BRINP3: variants seen among roughly 807,000 people sequenced by gnomAD.
BRINP3 encodes the protein BMP/retinoic acid-inducible neural-specific protein 3.
A neutral mutation model predicts 71.0 loss-of-function variants in BRINP3; 19 were observed. That is an observed-to-expected ratio of 0.27 (90% CI 0.19 to 0.39). The LOEUF (loss-of-function observed/expected upper bound fraction) is 0.39, where lower values mean the gene tolerates loss of function less well. Among genes scored for constraint, BRINP3 ranks in the 10% least tolerant of loss-of-function variants. BRINP3 has a pLI of 1.00. For synonymous variants in BRINP3, 380 were observed against 337.7 expected (o/e 1.13, Z -1.37); for missense variants, 959 against 940.8 (o/e 1.02, Z -0.25).
intron 7 of BRINP3, among the ~76,000 whole-genome samples, chr1:190,148,368 C>T (rs982702231): frequency 3.3e-5 from 5 of 151,590 alleles, no homozygotes; most frequent in South Asian, 2.1e-4. Flanking sequence ...GCCGAGGCGG[C>T]GGATCAAGAG....
chr1:190,377,932 G>T (rs776059245), intron 2 of BRINP3, among the ~76,000 whole-genome samples: 3 of 152,014 alleles, frequency 2.0e-5, no homozygotes, highest in African/African-American at 4.8e-5. Flanking sequence ...ATGTAGTCTT[G>T]TTAAGATAAC....
rs1258987865 is a variant in BRINP3, at chr1:190,329,932, A to G, written c.237-48182T>C. 3.3e-5 allele frequency among the ~76,000 whole-genome samples: 5 copies of G among 152,076 alleles called. No individual in the cohort carries two copies. In the East Asian group the frequency reaches 9.6e-4, roughly 29 times the overall value. On this transcript the variant is annotated intron_variant, in intron 2 of 7. Transcript: ENST00000367462. ...ATGGTGCTGGGACACCTGGCTAGCC[A>G]TCTGCAGAAGAATGAAACTGGACCC... is the stretch of plus-strand genomic sequence containing the variant.
chr1:190,385,656 T>G (rs1558239323), intron 2 of BRINP3, among the ~76,000 whole-genome samples: 1 of 151,868 alleles, frequency 6.6e-6, no homozygotes, highest in Non-Finnish European at 1.5e-5. Context: ...GTTCAACCAT[T>G]GTGGAAGTCA....
chr1:190,416,332 A>G (rs1328348384), intron 2 of BRINP3, among the ~76,000 whole-genome samples: 1 of 152,102 alleles, frequency 6.6e-6, no homozygotes, highest in Admixed American at 6.6e-5. Context: ...TGACTGACTA[A>G]TAAACATCCA....
rs150311023 is a variant in BRINP3, at chr1:190,263,266, A to T, written c.618+1599T>A. On this transcript the variant is annotated intron_variant, in intron 4 of 7. Transcript: ENST00000367462. ...ACAAAATTTTTAAATTAACTGAAAC[A>T]TCTGCATTCATGCTGGCTACATTTT... Among the ~76,000 whole-genome samples the T allele has an allele frequency of 6.6e-3, 998 of 152,314 alleles. 6 individuals carry two copies. Among genetic ancestry groups the T allele is most frequent in the African/African-American group, 0.021 (889 of 41,574 alleles).
chr1:190,384,794 CTATAT>C (rs1443640395), intron 2 of BRINP3, among the ~76,000 whole-genome samples: 2 of 151,804 alleles, frequency 1.3e-5, no homozygotes, highest in African/African-American at 4.8e-5. Flanking sequence ...TTCCAAACCA[CTATAT>C]TATAATTACT....
chr1:190,460,857 G>T (rs1001772755), intron 1 of BRINP3, among the ~76,000 whole-genome samples: 1 of 152,016 alleles, frequency 6.6e-6, no homozygotes, highest in Non-Finnish European at 1.5e-5. Context: ...CTGTCCTCAA[G>T]TTCTGTACAT....
chr1:190,126,979 C>T (rs963147775), intron 7 of BRINP3, among the ~76,000 whole-genome samples: 1 of 151,746 alleles, frequency 6.6e-6, no homozygotes, highest in Non-Finnish European at 1.5e-5. Flanking sequence ...GGTAATGTGA[C>T]TCTTACAAAA....
rs559614070 is a variant in BRINP3 at position 190,366,641 on chromosome 1, T to C, written c.237-84891A>G. On this transcript the variant is annotated intron_variant, in intron 2 of 7. Transcript: ENST00000367462. ...AAAGTCTCATCTGAGACAAGGCAAGTTCTTTCCACCTATGAGACTATAAAA... is the reference window on the plus strand; with the variant it reads ...AAAGTCTCATCTGAGACAAGGCAAGCTCTTTCCACCTATGAGACTATAAAA... 3.3e-5 allele frequency among the ~76,000 whole-genome samples: 5 copies of C among 152,294 alleles called. No homozygotes were observed. The East Asian group carries it at 9.7e-4, about 29-fold the overall frequency.
At position 190,118,871 on chromosome 1, in the gene BRINP3, G is replaced by C. The variant is rs188958726; in HGVS notation, c.1185-19737C>G. On this transcript the variant is annotated intron_variant, in intron 7 of 7. Coordinates refer to ENST00000367462, the MANE Select transcript of BRINP3 (RefSeq NM_199051.3). ...AAAACCTAAATTATTCATTCGTTTA[G>C]TAATTCATTCGAGGAACATTTATGG... Among the ~76,000 whole-genome samples, 219 of 152,256 alleles carry C rather than the reference G, an allele frequency of 1.4e-3. 1 individual carries two copies. Among genetic ancestry groups the C allele is most frequent in the African/African-American group, 5.2e-3 (217 of 41,546 alleles).
rs555534444 is a variant in BRINP3 at position 190,145,610 on chromosome 1, T to C, written c.1184+15058A>G. On this transcript the variant is annotated intron_variant, in intron 7 of 7. Coordinates refer to ENST00000367462, the MANE Select transcript of BRINP3 (RefSeq NM_199051.3). ...TTAGTACAACCACTGTGGAAACCAG[T>C]ATGGAGATTCCTTAAAGAACAAAAA... is the stretch of plus-strand genomic sequence containing the variant. Among the ~76,000 whole-genome samples, 7 of 152,288 alleles carry C rather than the reference T, an allele frequency of 4.6e-5. No homozygotes were observed. In the East Asian group the frequency reaches 1.4e-3, roughly 29 times the overall value.
chr1:190,455,345 T>A (rs1395871620), intron 1 of BRINP3, among the ~76,000 whole-genome samples: 4 of 152,196 alleles, frequency 2.6e-5, no homozygotes, highest in African/African-American at 9.6e-5. Flanking sequence ...TGTATATTTA[T>A]CTTAAATAAA....
chr1:190,153,731 C>T (rs1030599458), intron 7 of BRINP3, among the ~76,000 whole-genome samples: 1 of 152,108 alleles, frequency 6.6e-6, no homozygotes, highest in Non-Finnish European at 1.5e-5. Context: ...CATGGTGGCT[C>T]ATGCCTGTAG....
chr1:190,421,105 T>C (rs1673349585), intron 2 of BRINP3, among the ~76,000 whole-genome samples: 1 of 151,742 alleles, frequency 6.6e-6, no homozygotes, highest in Admixed American at 6.6e-5. Flanking sequence ...ATACTAATTG[T>C]AACTAGAAAA....
At chr1:190,201,046 G>A (rs548277630) in intron 6 of BRINP3, among the ~76,000 whole-genome samples, 3 of 152,214 alleles carry the variant, frequency 2.0e-5, no homozygotes, top group South Asian at 4.1e-4. Flanking sequence ...CTGGGTAACA[G>A]GCATAGGTTG....
chr1:190,327,348 AAAGG>A (rs1387774360), intron 2 of BRINP3, among the ~76,000 whole-genome samples: 6 of 144,406 alleles, frequency 4.2e-5, no homozygotes, highest in African/African-American at 1.0e-4. Context: ...AAAAAAAAAA[AAAGG>A]AAAAAAAAAA....
At chr1:190,346,012 A>T (rs1668000590) in intron 2 of BRINP3, among the ~76,000 whole-genome samples, 2 of 151,980 alleles carry the variant, frequency 1.3e-5, no homozygotes, top group Non-Finnish European at 2.9e-5. Context: ...AGATTAGATA[A>T]AATGGAAAAT....
At chr1:190,208,148 C>G (rs1000998914) in intron 6 of BRINP3, among the ~76,000 whole-genome samples, 9 of 151,462 alleles carry the variant, frequency 5.9e-5, no homozygotes, top group African/African-American at 1.5e-4. Flanking sequence ...TTTGTAAAGG[C>G]TAGGGGACTC....
At chr1:190,360,289 C>G (rs1483970181) in intron 2 of BRINP3, among the ~76,000 whole-genome samples, 1 of 152,102 alleles carries the variant, frequency 6.6e-6, no homozygotes, top group Non-Finnish European at 1.5e-5. Flanking sequence ...ATTGTCCAAA[C>G]CAGAATACTT....
Sources: gnomAD v4.1 joint callset for allele counts (sites outside exome capture counted in the v4.1 genomes callset) on GRCh38, gnomAD v4.1.1 for gene constraint, MANE v1.5 for transcripts, NCBI Gene and HGNC (gene_info 2026-07-23, HGNC 2026-07-21) for gene names.